CDK6: variants seen among roughly 807,000 people sequenced by gnomAD.
CDK6 encodes cyclin dependent kinase 6.
A neutral mutation model predicts 37.1 loss-of-function variants in CDK6; 6 were observed. The observed-to-expected ratio is 0.16, with a 90% CI of 0.09 to 0.32. The LOEUF is 0.32. CDK6 is among the 10% of genes least tolerant of loss of function. CDK6 has a pLI of 1.00. For synonymous variants in CDK6, 160 were observed against 161.3 expected (o/e 0.99, Z 0.06); for missense variants, 224 against 418.9 (o/e 0.53, Z 4.06).
chr7:92,718,407 G>A (rs1055206387), intron 4 of CDK6, among the ~76,000 whole-genome samples: 1 of 152,150 alleles, frequency 6.6e-6, no homozygotes, highest in Admixed American at 6.5e-5. Flanking sequence ...GGAGCTACTC[G>A]GCTGCCCAAG....
At chr7:92,761,812 T>A (rs1427279406) in intron 3 of CDK6, among the ~76,000 whole-genome samples, 1 of 152,234 alleles carries the variant, frequency 6.6e-6, no homozygotes, top group South Asian at 2.1e-4. Flanking sequence ...TGTGATGCTC[T>A]CATAAATCTC....
At chr7:92,817,508 T>C (rs1488434562) in intron 2 of CDK6, among the ~76,000 whole-genome samples, 2 of 151,828 alleles carry the variant, frequency 1.3e-5, no homozygotes, top group Non-Finnish European at 2.9e-5. Context: ...ATCAATCTGA[T>C]AAAGGACACC....
chr7:92,817,853 T>C (rs1401639239), intron 2 of CDK6, among the ~76,000 whole-genome samples: 1 of 151,534 alleles, frequency 6.6e-6, no homozygotes, highest in Non-Finnish European at 1.5e-5. Context: ...GACAAACACT[T>C]AAAAAGAAAA....
At chr7:92,646,160 G>A (rs1329188640) in intron 5 of CDK6, among the ~76,000 whole-genome samples, 1 of 152,158 alleles carries the variant, frequency 6.6e-6, no homozygotes. Context: ...CTAGTTCAGG[G>A]TAATATCTGA....
intron 2 of CDK6, among the ~76,000 whole-genome samples, chr7:92,821,591 A>C (rs759479395): frequency 4.9e-4 from 74 of 152,030 alleles, no homozygotes; most frequent in Non-Finnish European, 6.0e-4. Flanking sequence ...TCCTTGAAAC[A>C]TATCTGACAA....
intron 5 of CDK6, among the ~76,000 whole-genome samples, chr7:92,643,939 A>C (rs1393575715): frequency 6.6e-6 from 1 of 152,224 alleles, no homozygotes; most frequent in Non-Finnish European, 1.5e-5. Flanking sequence ...TGGAATTGTC[A>C]TATCAGCTTT....
chr7:92,646,046 T>G (rs866651288), intron 5 of CDK6, among the ~76,000 whole-genome samples: 2 of 152,238 alleles, frequency 1.3e-5, no homozygotes, highest in East Asian at 3.8e-4. Context: ...TGAGAATGAA[T>G]GCACTGCTAT....
chr7:92,612,057 C>A lies in CDK6; in HGVS notation c.*3083G>T, dbSNP rs1795574440. 1 of 232,774 alleles carries A rather than the reference C, an allele frequency of 4.3e-6. No homozygotes were observed. The highest frequency in any genetic ancestry group is 5.6e-5 in the Admixed American group (1 of 17,774). 14.4% of individuals were successfully genotyped at this position (232,774 alleles called of 1,614,324 possible). The stretch of plus-strand genomic sequence containing the variant: ...TTTTAAGATTAGGTCCTTTTTATTA[C>A]CCTTTGCCATGGGATTTCTTATGAA... On this transcript the variant is annotated 3_prime_UTR_variant, in exon 8 of 8. Coordinates refer to ENST00000424848, the MANE Select transcript of CDK6 (RefSeq NM_001145306.2).
chr7:92,705,328 T>C (rs1797941928), intron 4 of CDK6, among the ~76,000 whole-genome samples: 1 of 152,236 alleles, frequency 6.6e-6, no homozygotes, highest in African/African-American at 2.4e-5. Flanking sequence ...GTATTTTTAC[T>C]ACGATGTCCT....
chr7:92,774,497 T>C (rs1799796797), intron 3 of CDK6, among the ~76,000 whole-genome samples, 199 bp downstream of exon 3: 1 of 152,222 alleles, frequency 6.6e-6, no homozygotes, highest in Admixed American at 6.5e-5. Context: ...CTAGAATACA[T>C]ATGTCTGTAC....
chr7:92,640,282 T>C (rs1432740457), intron 5 of CDK6, among the ~76,000 whole-genome samples: 1 of 152,216 alleles, frequency 6.6e-6, no homozygotes, highest in Admixed American at 6.5e-5. Flanking sequence ...TCATGGAGGT[T>C]CTGTGTTGAT....
chr7:92,695,309 A>C (rs184560386), intron 4 of CDK6, among the ~76,000 whole-genome samples: 1 of 152,114 alleles, frequency 6.6e-6, no homozygotes, highest in Non-Finnish European at 1.5e-5. Context: ...AAAGAAAAAA[A>C]CCAACAAAAA....
At chr7:92,645,075 T>G (rs1465741154) in intron 5 of CDK6, among the ~76,000 whole-genome samples, 2 of 152,156 alleles carry the variant, frequency 1.3e-5, no homozygotes, top group Non-Finnish European at 2.9e-5. Context: ...AGCTCTTGAG[T>G]GGCAGAAGGA....
chr7:92,624,151 T>C (rs1480478362), intron 5 of CDK6, among the ~76,000 whole-genome samples: 1 of 152,166 alleles, frequency 6.6e-6, no homozygotes, highest in East Asian at 1.9e-4. Context: ...CCATACTTTC[T>C]ATGAATGTTA....
chr7:92,779,041 A>T (rs1343447746), intron 2 of CDK6, among the ~76,000 whole-genome samples: 1 of 151,672 alleles, frequency 6.6e-6, no homozygotes, highest in Admixed American at 6.6e-5. Context: ...ACAAAAAGTC[A>T]TCTGCCCCCT....
intron 5 of CDK6, among the ~76,000 whole-genome samples, chr7:92,632,497 G>C (rs754842082): frequency 6.6e-6 from 1 of 152,032 alleles, no homozygotes; most frequent in African/African-American, 2.4e-5. Context: ...ATAAATAAGG[G>C]CTCTGGCCCT....
At chr7:92,794,206 G>GT (rs1197903642) in intron 2 of CDK6, among the ~76,000 whole-genome samples, 6 of 152,120 alleles carry the variant, frequency 3.9e-5, no homozygotes, top group African/African-American at 1.4e-4. Context: ...TGCTTACTGT[G>GT]TGTCAGACAC....
At chr7:92,804,007 T>C (rs922006410) in intron 2 of CDK6, among the ~76,000 whole-genome samples, 3 of 152,224 alleles carry the variant, frequency 2.0e-5, no homozygotes, top group African/African-American at 2.4e-5. Flanking sequence ...ACTTCTCCAC[T>C]GGTTTGTTTC....
chr7:92,825,220 T>C (rs1801279299), intron 2 of CDK6, among the ~76,000 whole-genome samples: 1 of 152,140 alleles, frequency 6.6e-6, no homozygotes, highest in Non-Finnish European at 1.5e-5. Flanking sequence ...CAGATACTCA[T>C]AAATACTTGC....
Sources: gnomAD v4.1 joint callset for allele counts (sites outside exome capture counted in the v4.1 genomes callset) on GRCh38, gnomAD v4.1.1 for gene constraint, MANE v1.5 for transcripts, NCBI Gene and HGNC (gene_info 2026-07-23, HGNC 2026-07-21) for gene names.